Variants in MAD1L1 observed in about 807,000 individuals in gnomAD.
The protein encoded by MAD1L1 is mitotic spindle assembly checkpoint protein MAD1.
MAD1L1 carries 95 observed loss-of-function variants against 96.9 expected under a neutral mutation model. That is an observed-to-expected ratio of 0.98 (90% CI 0.83 to 1.16). MAD1L1 has a LOEUF of 1.16. MAD1L1 is among the 50% of genes most tolerant of loss of function. The probability of loss-of-function intolerance (pLI) is 0.00; values close to 1 mark genes in which losing one functional copy is unlikely to be tolerated. For missense variants in MAD1L1, 1,007 were observed against 954.4 expected (o/e 1.06, Z -0.73); for synonymous variants, 473 against 396.6 (o/e 1.19, Z -2.29).
chr7:1,816,145 C>T lies in MAD1L1; in HGVS notation c.2082G>A (p.Leu694=). The T allele has an allele frequency of 6.2e-7, 1 of 1,613,292 alleles. No individual in the cohort carries two copies. The highest frequency in any genetic ancestry group is 8.5e-7 in the Non-Finnish European group (1 of 1,179,874). Residue 694 remains leucine (L), a synonymous_variant, in exon 19 of 19, where the codon CTG becomes CTA. Coordinates refer to ENST00000265854, the MANE Select transcript of MAD1L1 (RefSeq NM_001013836.2). Reference sequence around the variant, plus strand: ...AGGCAGGGATGCTGTCCTGGCGCCGCAGGTGCACCTCGATGAGCTCGCCCA... The same window carrying T: ...AGGCAGGGATGCTGTCCTGGCGCCGTAGGTGCACCTCGATGAGCTCGCCCA... ...HTVGELIEVH[L]RRQDSIPAFL... is the part of the protein sequence containing the mutation.
intron 12 of MAD1L1, among the ~76,000 whole-genome samples, chr7:2,064,711 C>A (rs1181326034): frequency 2.0e-5 from 3 of 150,104 alleles, no homozygotes; most frequent in Non-Finnish European, 4.4e-5. Flanking sequence ...AGGAGGACAG[C>A]GGCTTCTCCC....
intron 10 of MAD1L1, among the ~76,000 whole-genome samples, chr7:2,187,528 G>A (rs962113417): frequency 6.6e-6 from 1 of 152,156 alleles, no homozygotes; most frequent in Non-Finnish European, 1.5e-5. Flanking sequence ...CTACTGACAG[G>A]CACAATCACA....
intron 18 of MAD1L1, among the ~76,000 whole-genome samples, chr7:1,875,377 C>G (rs1350533277): frequency 6.6e-6 from 1 of 152,222 alleles, no homozygotes; most frequent in African/African-American, 2.4e-5. Flanking sequence ...AGTCGCCCTC[C>G]TCGACCCCAG....
At chr7:1,994,060 G>T (rs1781456209) in intron 14 of MAD1L1, among the ~76,000 whole-genome samples, 1 of 152,238 alleles carries the variant, frequency 6.6e-6, no homozygotes, top group Admixed American at 6.5e-5. Flanking sequence ...ACACGGGCAG[G>T]TCACTAATCC....
At chr7:2,013,250 G>C (rs1782381862) in intron 13 of MAD1L1, among the ~76,000 whole-genome samples, 1 of 152,232 alleles carries the variant, frequency 6.6e-6, no homozygotes. Context: ...GTCACTGGCT[G>C]AATGAGGAAA....
At chr7:1,865,185 C>A (rs933907372) in intron 18 of MAD1L1, among the ~76,000 whole-genome samples, 7 of 152,204 alleles carry the variant, frequency 4.6e-5, no homozygotes, top group African/African-American at 1.7e-4. Flanking sequence ...CACAAGCACC[C>A]ACCCTATGGG....
intron 18 of MAD1L1, among the ~76,000 whole-genome samples, chr7:1,884,306 GCCAT>G (rs1351847017): frequency 1.3e-5 from 2 of 152,182 alleles, no homozygotes; most frequent in African/African-American, 2.4e-5. Context: ...TGGATCTCTG[GCCAT>G]CCACCAGTGC....
At chr7:2,202,214 T>C (rs769147112) in intron 10 of MAD1L1, 6 of 152,380 alleles carry the variant, frequency 3.9e-5, no homozygotes, top group African/African-American at 7.2e-5. Context: ...TAACTCACAA[T>C]GCTCAGGATT....
At chr7:1,949,107 G>T (rs1161646061) in intron 16 of MAD1L1, among the ~76,000 whole-genome samples, 2 of 152,124 alleles carry the variant, frequency 1.3e-5, no homozygotes, top group Non-Finnish European at 2.9e-5. Context: ...CCTGCTCCTT[G>T]AGGCTCCAGG....
chr7:1,819,096 C>T (rs1041770239), intron 18 of MAD1L1, among the ~76,000 whole-genome samples: 4 of 152,158 alleles, frequency 2.6e-5, no homozygotes, highest in African/African-American at 4.8e-5. Context: ...GGCGCCGGGC[C>T]CATCCATCTC....
intron 12 of MAD1L1, among the ~76,000 whole-genome samples, chr7:2,029,035 A>T (rs1469500564): frequency 1.3e-5 from 2 of 152,218 alleles, no homozygotes; most frequent in Admixed American, 1.3e-4. Flanking sequence ...CAGGACACAC[A>T]CAAATCACAA....
intron 16 of MAD1L1, among the ~76,000 whole-genome samples, chr7:1,944,402 C>T (rs1005531840): frequency 6.6e-6 from 1 of 152,120 alleles, no homozygotes; most frequent in African/African-American, 2.4e-5. Context: ...AAATGGCGGG[C>T]CGGGTGGGGA....
chr7:1,858,558 A>T (rs1784369397), intron 18 of MAD1L1, among the ~76,000 whole-genome samples: 1 of 152,182 alleles, frequency 6.6e-6, no homozygotes, highest in African/African-American at 2.4e-5. Flanking sequence ...AAACTCATTC[A>T]GGTCTTGCTG....
chr7:2,134,705 C>T (rs767146074), intron 11 of MAD1L1, among the ~76,000 whole-genome samples: 13 of 152,212 alleles, frequency 8.5e-5, no homozygotes, highest in Non-Finnish European at 1.3e-4. Context: ...CAGCTGCACA[C>T]GTCTCTGGAG....
intron 10 of MAD1L1, among the ~76,000 whole-genome samples, chr7:2,162,696 A>G (rs1383079217): frequency 2.7e-5 from 4 of 147,776 alleles, no homozygotes; most frequent in Admixed American, 2.7e-4. Flanking sequence ...GTTATCTATA[A>G]TCCACCACTC....
At chr7:2,049,981 C>G (rs185817818) in intron 12 of MAD1L1, among the ~76,000 whole-genome samples, 2 of 150,720 alleles carry the variant, frequency 1.3e-5, no homozygotes, top group African/African-American at 4.9e-5. Flanking sequence ...CCAGACCACA[C>G]GTTCACAGGG....
At chr7:1,851,444 T>C (rs1783973133) in intron 18 of MAD1L1, among the ~76,000 whole-genome samples, 1 of 152,126 alleles carries the variant, frequency 6.6e-6, no homozygotes. Flanking sequence ...TCCTCGTGGA[T>C]GAGAGGCGTC....
intron 11 of MAD1L1, among the ~76,000 whole-genome samples, chr7:2,091,855 G>A (rs1208120210): frequency 6.6e-6 from 1 of 151,960 alleles, no homozygotes; most frequent in Non-Finnish European, 1.5e-5. Context: ...GGATTCCATT[G>A]CACAAATGTA....
Position 1,815,800 on chromosome 7 carries a change from G to C in MAD1L1, c.*270C>G, listed in dbSNP as rs1006798450. 4.4e-5 allele frequency: 21 copies of C among 481,060 alleles called. No individual in the cohort carries two copies. The highest frequency in any genetic ancestry group is 7.9e-5 in the Non-Finnish European group (21 of 266,154). The allele number at this position is 481,060 out of a possible 1,614,324, so 29.8% of individuals were successfully genotyped here. On this transcript the variant is annotated 3_prime_UTR_variant, in exon 19 of 19. Coordinates refer to ENST00000265854, the MANE Select transcript of MAD1L1 (RefSeq NM_001013836.2). ...ACACAGGGCGAGTGGGAGTGTCTAGGGGAGAAGATTTTATTTCACAAGGTG... is the reference window on the plus strand; with the variant it reads ...ACACAGGGCGAGTGGGAGTGTCTAGCGGAGAAGATTTTATTTCACAAGGTG...
Sources: allele counts gnomAD v4.1 joint callset (sites outside exome capture counted in the v4.1 genomes callset), GRCh38; gene constraint gnomAD v4.1.1; transcripts MANE v1.5; gene names NCBI Gene and HGNC (gene_info 2026-07-23, HGNC 2026-07-21).